Variants in VPS36 observed in about 807,000 individuals in gnomAD.
The protein encoded by VPS36 is vacuolar protein-sorting-associated protein 36.
VPS36 carries 31 observed loss-of-function variants against 63.5 expected under a neutral mutation model. That is an observed-to-expected ratio of 0.49 (90% CI 0.37 to 0.66). VPS36 has a LOEUF of 0.66. VPS36 is among the 30% of genes least tolerant of loss of function. The pLI is 0.00. For missense variants in VPS36, 338 were observed against 463.7 expected (o/e 0.73, Z 2.49); for synonymous variants, 138 against 157.2 (o/e 0.88, Z 0.91).
chr13:52,427,892 T>C (rs1051933206), intron 6 of VPS36, among the ~76,000 whole-genome samples: 3 of 152,206 alleles, frequency 2.0e-5, no homozygotes, highest in African/African-American at 4.8e-5. Context: ...CATTTTCTAA[T>C]AGGAAGTCTC....
At chr13:52,437,214 C>T (rs1958228193) in intron 3 of VPS36, among the ~76,000 whole-genome samples, 1 of 151,932 alleles carries the variant, frequency 6.6e-6, no homozygotes, top group Admixed American at 6.6e-5. Flanking sequence ...TTTTTTGGAA[C>T]CATATGGTTA....
rs1269718136 is a variant in VPS36, at chr13:52,426,039, T to A, written c.667A>T (p.Ser223Cys). 1.2e-6 allele frequency: 2 copies of A among 1,614,172 alleles called. No homozygotes were observed. Among genetic ancestry groups the A allele is most frequent in the East Asian group, 4.5e-5 (2 of 44,874 alleles). The change falls in exon 9 of 14, where the codon AGC becomes TGC. Residue 223 changes from serine to cysteine, a missense_variant. By Grantham distance (112) the Ser-to-Cys change is moderately radical. Coordinates refer to ENST00000378060, the MANE Select transcript of VPS36 (RefSeq NM_016075.4). ...ETIRFKSYLL[S>C]MGIANPVTRE... ...GTAACTGGGTTAGCTATTCCCATGC[T>A]CAGCAAGTAGGATTTAAACCTGATG... is the stretch of plus-strand genomic sequence containing the variant.
intron 12 of VPS36, 111 bp downstream of exon 12, chr13:52,416,946 G>A (rs573046967): frequency 2.3e-6 from 2 of 870,162 alleles, no homozygotes; most frequent in East Asian, 2.6e-5. Context: ...GTGTGTGAAT[G>A]TTACTTTTTC....
chr13:52,429,201 C>T, intron 6 of VPS36: 2 of 959,464 alleles, frequency 2.1e-6, no homozygotes, highest in Non-Finnish European at 2.5e-6. Context: ...AGGAGTACCC[C>T]CTTAAGCTGA....
chr13:52,442,935 T>G (rs1457279712), intron 1 of VPS36, among the ~76,000 whole-genome samples: 1 of 152,226 alleles, frequency 6.6e-6, no homozygotes, highest in African/African-American at 2.4e-5. Context: ...AAGAGCTCTT[T>G]TGTACCTCTA....
At chr13:52,431,705 G>A (rs1369496521) in intron 6 of VPS36, among the ~76,000 whole-genome samples, 1 of 149,314 alleles carries the variant, frequency 6.7e-6, no homozygotes, top group Non-Finnish European at 1.5e-5. Context: ...AGAGGTTGCA[G>A]TGAGCCAAAA....
At chr13:52,441,450 A>G (rs1958275646) in intron 2 of VPS36, among the ~76,000 whole-genome samples, 1 of 152,024 alleles carries the variant, frequency 6.6e-6, no homozygotes, top group South Asian at 2.1e-4. Flanking sequence ...CCTCCTTCCC[A>G]AAAACAAAAG....
At chr13:52,438,359 CAAAT>C (rs1958240292) in intron 3 of VPS36, among the ~76,000 whole-genome samples, 1 of 152,106 alleles carries the variant, frequency 6.6e-6, no homozygotes. Context: ...TCTTTTATAT[CAAAT>C]AAATAATCTT....
chr13:52,429,856 C>T (rs1429603750), intron 6 of VPS36, among the ~76,000 whole-genome samples: 3 of 151,886 alleles, frequency 2.0e-5, no homozygotes, highest in Non-Finnish European at 4.4e-5. Flanking sequence ...AAAAGAAAAG[C>T]AACAATGTAA....
At chr13:52,432,118 C>CGCG (rs201457052) in intron 6 of VPS36, among the ~76,000 whole-genome samples, 1 of 152,100 alleles carries the variant, frequency 6.6e-6, no homozygotes, top group African/African-American at 2.4e-5. Context: ...TTTGAGAGGC[C>CGCG]GCGGCGGCGG....
intron 10 of VPS36, among the ~76,000 whole-genome samples, chr13:52,420,797 A>G (rs570211204): frequency 2.0e-5 from 3 of 152,324 alleles, no homozygotes; most frequent in East Asian, 3.9e-4. Flanking sequence ...ACGTACAACT[A>G]TTATGTATCC....
intron 1 of VPS36, among the ~76,000 whole-genome samples, chr13:52,449,667 C>T (rs1958379324): frequency 6.6e-6 from 1 of 152,206 alleles, no homozygotes; most frequent in Non-Finnish European, 1.5e-5. Flanking sequence ...TAAAATTTTT[C>T]TAATTCCAGT....
chr13:52,447,159 G>A (rs1428107618), intron 1 of VPS36, among the ~76,000 whole-genome samples: 1 of 152,052 alleles, frequency 6.6e-6, no homozygotes, highest in Non-Finnish European at 1.5e-5. Context: ...TTACAGGCAT[G>A]AGCCACCACG....
intron 1 of VPS36, 36 bp downstream of exon 1, chr13:52,450,463 C>T (rs1363140826): frequency 6.4e-7 from 1 of 1,571,818 alleles, no homozygotes; most frequent in Non-Finnish European, 8.6e-7. Context: ...GGGGTCCCTT[C>T]CGCCAGCCCG....
intron 10 of VPS36, among the ~76,000 whole-genome samples, chr13:52,418,286 A>AC (rs1958012249): frequency 9.9e-6 from 1 of 101,248 alleles, no homozygotes; most frequent in African/African-American, 2.9e-5. Context: ...CATTAAAAAA[A>AC]TAAAAAGAGG....
At chr13:52,450,073 C>A (rs1382729170) in intron 1 of VPS36, 1 of 987,994 alleles carries the variant, frequency 1.0e-6, no homozygotes, top group African/African-American at 1.7e-5. Flanking sequence ...AAAGGCGAAA[C>A]GGGGCTGTCC....
chr13:52,427,620 A>AC (rs1958116253), intron 6 of VPS36, among the ~76,000 whole-genome samples: 1 of 152,084 alleles, frequency 6.6e-6, no homozygotes, highest in African/African-American at 2.4e-5. Flanking sequence ...AAAAAAAAAA[A>AC]AATTTAAATT....
At chr13:52,429,363 A>C in intron 6 of VPS36, 1 of 899,500 alleles carries the variant, frequency 1.1e-6, no homozygotes, top group Non-Finnish European at 1.3e-6. Flanking sequence ...CATGCTGGTC[A>C]TCTGCTAGAG....
In VPS36 at chr13:52,415,556, A is replaced by C; in HGVS notation, c.*274T>G. On this transcript the variant is annotated 3_prime_UTR_variant, in exon 14 of 14. Coordinates refer to ENST00000378060, the MANE Select transcript of VPS36 (RefSeq NM_016075.4). ...ATAAAATGATTAGATTTGAGGATCAAGTTAAAATCCACTATATTCCAAGTT... is the reference window on the plus strand; with the variant it reads ...ATAAAATGATTAGATTTGAGGATCACGTTAAAATCCACTATATTCCAAGTT... 3.5e-6 allele frequency: 1 copy of C among 283,750 alleles called. No individual in the cohort carries two copies. The highest frequency in any genetic ancestry group is 6.6e-6 in the Non-Finnish European group (1 of 152,196). The allele number at this position is 283,750 out of a possible 1,614,324, so 17.6% of individuals were successfully genotyped here. A position where few individuals can be genotyped will look rare whatever the true frequency, so the allele number is the denominator to read the frequency against.
Sources: allele counts gnomAD v4.1 joint callset (sites outside exome capture counted in the v4.1 genomes callset), GRCh38; gene constraint gnomAD v4.1.1; transcripts MANE v1.5; gene names NCBI Gene and HGNC (gene_info 2026-07-23, HGNC 2026-07-21).